The following GHR variants were observed in gnomAD, a reference collection of about 807,000 sequenced individuals.
GHR encodes the protein growth hormone receptor.
In GHR, 35 loss-of-function variants were observed where a neutral mutation model predicts 67.1. The observed-to-expected ratio is 0.52, with a 90% confidence interval of 0.40 to 0.69. The LOEUF is 0.69. Among genes scored for constraint, GHR ranks in the 30% least tolerant of loss-of-function variants. The pLI, the probability that GHR is intolerant of heterozygous loss-of-function variation, is 0.00. For missense variants in GHR, 792 were observed against 764.6 expected (o/e 1.04, Z -0.42); for synonymous variants, 272 against 269.1 (o/e 1.01, Z -0.10).
chr5:42,647,462 T>G (rs34343411), intron 3 of GHR, among the ~76,000 whole-genome samples: 23,351 of 151,484 alleles, frequency 0.15, 1,961 homozygotes, highest in Non-Finnish European at 0.16. Flanking sequence ...TAGTCCCAGC[T>G]ACTCTGGAGG....
In GHR at chr5:42,718,791, G is replaced by A; in HGVS notation, c.1284G>A (p.Gln428=). 2 of 1,614,104 alleles carry A rather than the reference G, an allele frequency of 1.2e-6. No homozygotes were observed. The highest frequency in any genetic ancestry group is 2.2e-5 in the South Asian group (2 of 91,068). The change falls in exon 10 of 10, where the codon CAG becomes CAA. Residue 428 remains glutamine (Q), a synonymous_variant. Coordinates refer to ENST00000230882, the MANE Select transcript of GHR (RefSeq NM_000163.5). Reference sequence around the variant, plus strand: ...AAGCAGATCTCTTATGCCTTGACCAGAAGAATCAAAATAACTCACCTTATC... The same window carrying A: ...AAGCAGATCTCTTATGCCTTGACCAAAAGAATCAAAATAACTCACCTTATC... The part of the protein sequence containing the change: ...KGEADLLCLD[Q]KNQNNSPYHD...
rs150955116 is a variant in GHR at position 42,636,757 on chromosome 5, A to C, written c.136+7654A>C. ...AACTTAACCTACACACTGAGAAAGC[A>C]GACATTTACAAAAAGATTTATGGCT... On this transcript the variant is annotated intron_variant, in intron 3 of 9. Transcript: ENST00000230882. Among the ~76,000 whole-genome samples the C allele has an allele frequency of 1.9e-4, 29 of 152,222 alleles. 1 individual carries two copies. The highest frequency in any genetic ancestry group is 4.3e-4 in the Non-Finnish European group (29 of 68,038).
intron 1 of GHR, among the ~76,000 whole-genome samples, chr5:42,460,506 T>C (rs2112041194): frequency 6.6e-6 from 1 of 152,328 alleles, no homozygotes; most frequent in African/African-American, 2.4e-5. Context: ...TAGTAAGCAC[T>C]TAAAGTTAGT....
chr5:42,613,768 A>G (rs1378017829), intron 2 of GHR, among the ~76,000 whole-genome samples: 2 of 152,062 alleles, frequency 1.3e-5, no homozygotes, highest in Non-Finnish European at 2.9e-5. Context: ...TCCACTGGGT[A>G]TGGGGAATAG....
chr5:42,696,940 C>T (rs1757701236), intron 5 of GHR, among the ~76,000 whole-genome samples: 1 of 152,178 alleles, frequency 6.6e-6, no homozygotes, highest in East Asian at 1.9e-4. Flanking sequence ...CTTTGCAGTA[C>T]CACTTGTCTC....
At chr5:42,544,074 G>A (rs1006425309) in intron 1 of GHR, among the ~76,000 whole-genome samples, 1 of 152,068 alleles carries the variant, frequency 6.6e-6, no homozygotes, top group South Asian at 2.1e-4. Flanking sequence ...TCAAAACCTA[G>A]GGAAGCTTAA....
At chr5:42,505,993 G>A (rs1746757669) in intron 1 of GHR, among the ~76,000 whole-genome samples, 1 of 152,072 alleles carries the variant, frequency 6.6e-6, no homozygotes, top group Non-Finnish European at 1.5e-5. Context: ...TATTGAATAA[G>A]TATTTGATGT....
chr5:42,699,878 C>G lies in GHR; in HGVS notation c.494C>G (p.Thr165Ser). Residue 165 changes from threonine to serine, a missense_variant, in exon 6 of 10, where the codon ACT becomes AGT. By Grantham distance (58) the Thr-to-Ser change is moderately conservative. Transcript: ENST00000230882. ...TGGACTTTACTGAACGTCAGTTTAA[C>G]TGGGATTCATGCAGATATCCAAGTG... ...LNWTLLNVSLTGIHADIQVRW... is the reference protein window; with the variant it reads ...LNWTLLNVSLSGIHADIQVRW... 6.2e-7 allele frequency: 1 copy of G among 1,609,634 alleles called. No individual in the cohort carries two copies. The highest frequency in any genetic ancestry group is 1.1e-5 in the South Asian group (1 of 91,002).
chr5:42,574,803 A>C (rs1750557559), intron 2 of GHR, among the ~76,000 whole-genome samples: 1 of 152,190 alleles, frequency 6.6e-6, no homozygotes, highest in Non-Finnish European at 1.5e-5. Context: ...TTTCTCCAAC[A>C]TGTTTAGAAC....
intron 1 of GHR, among the ~76,000 whole-genome samples, chr5:42,433,732 A>ATTTTTTT (rs35539827): frequency 5.3e-4 from 41 of 77,586 alleles, no homozygotes; most frequent in Non-Finnish European, 6.6e-4. Flanking sequence ...AAGATATGGT[A>ATTTTTTT]TTTTTTTTTT....
intron 1 of GHR, among the ~76,000 whole-genome samples, chr5:42,544,999 A>G (rs1480992774): frequency 1.3e-5 from 2 of 152,068 alleles, no homozygotes; most frequent in Admixed American, 6.6e-5. Flanking sequence ...AACTCCATAT[A>G]ATGGAGATTT....
intron 1 of GHR, among the ~76,000 whole-genome samples, chr5:42,506,125 G>C (rs1005148648): frequency 5.3e-5 from 8 of 152,162 alleles, no homozygotes; most frequent in Non-Finnish European, 1.2e-4. Context: ...ACTCCATGCT[G>C]CATACTCAGT....
chr5:42,605,402 G>C (rs1001431346), intron 2 of GHR, among the ~76,000 whole-genome samples: 1 of 152,032 alleles, frequency 6.6e-6, no homozygotes, highest in Non-Finnish European at 1.5e-5. Flanking sequence ...CACCGCGCCC[G>C]GCCTGGGGTG....
At position 42,467,175 on chromosome 5, in the gene GHR, G is replaced by T. The variant is rs1744768715; in HGVS notation, c.-12+43220G>T. The stretch of plus-strand genomic sequence containing the variant: ...TGTGAATTCTCTGGTGGACAAAAAG[G>T]CAAGAGAGCTGACTGAAGGCTTGCC... On this transcript the variant is annotated intron_variant, in intron 1 of 9. Transcript: ENST00000230882. 6 of 1,596,870 alleles carry T rather than the reference G, an allele frequency of 3.8e-6. No individual in the cohort carries two copies. In the Admixed American group the frequency reaches 1.0e-4, roughly 27 times the overall value.
intron 1 of GHR, among the ~76,000 whole-genome samples, chr5:42,470,425 A>G (rs372802368): frequency 2.0e-5 from 3 of 152,160 alleles, no homozygotes; most frequent in African/African-American, 7.2e-5. Flanking sequence ...CAGTTAGCCA[A>G]AGGTGAGAAT....
At position 42,430,433 on chromosome 5, in the gene GHR, G is replaced by A. The variant is rs568047433; in HGVS notation, c.-12+6478G>A. Among the ~76,000 whole-genome samples, 8 of 152,116 alleles carry A rather than the reference G, an allele frequency of 5.3e-5. No individual in the cohort carries two copies. The East Asian group carries it at 1.6e-3, about 30-fold the overall frequency. Reference sequence around the variant, plus strand: ...TCAGTTTTTCAGCAAGTCTGAATGTGAAACAAATGGCTATGTTTCTTGGTG... The same window carrying A: ...TCAGTTTTTCAGCAAGTCTGAATGTAAAACAAATGGCTATGTTTCTTGGTG... On this transcript the variant is annotated intron_variant, in intron 1 of 9. Transcript: ENST00000230882.
chr5:42,434,806 G>C (rs1743249594), intron 1 of GHR, among the ~76,000 whole-genome samples: 1 of 152,176 alleles, frequency 6.6e-6, no homozygotes, highest in East Asian at 1.9e-4. Flanking sequence ...CTGTAAATTA[G>C]GGTTGGCAGA....
chr5:42,438,423 G>A (rs1743427945), intron 1 of GHR, among the ~76,000 whole-genome samples: 2 of 152,146 alleles, frequency 1.3e-5, no homozygotes, highest in African/African-American at 4.8e-5. Context: ...TCCATTGAAT[G>A]TGGGCCAAAC....
chr5:42,692,455 G>A (rs1469584857), intron 4 of GHR, among the ~76,000 whole-genome samples: 1 of 152,022 alleles, frequency 6.6e-6, no homozygotes, highest in Non-Finnish European at 1.5e-5. Context: ...ACCCAGAGAA[G>A]GCAAGTGACA....
Sources: gnomAD v4.1 joint callset for allele counts (sites outside exome capture counted in the v4.1 genomes callset) on GRCh38, gnomAD v4.1.1 for gene constraint, MANE v1.5 for transcripts, NCBI Gene and HGNC (gene_info 2026-07-23, HGNC 2026-07-21) for gene names.